Variants in PCF11 observed in about 807,000 individuals in gnomAD.
The protein encoded by PCF11 is PCF11 cleavage and polyadenylation factor subunit.
A neutral mutation model predicts 166.1 loss-of-function variants in PCF11; 19 were observed. That is an observed-to-expected ratio of 0.11 (90% CI 0.08 to 0.17). The LOEUF is 0.17. Among genes scored for constraint, PCF11 ranks in the 10% least tolerant of loss-of-function variants. PCF11 has a pLI of 1.00. For synonymous variants in PCF11, 663 were observed against 644.1 expected (o/e 1.03, Z -0.44); for missense variants, 1,565 against 1,855.5 (o/e 0.84, Z 2.88).
At chr11:83,165,010 T>C (rs1294536879) in intron 4 of PCF11, among the ~76,000 whole-genome samples, 2 of 152,214 alleles carry the variant, frequency 1.3e-5, no homozygotes, top group East Asian at 3.8e-4. Flanking sequence ...GTAGGCATGT[T>C]GTGGCAAATA....
At position 83,168,833 on chromosome 11, in the gene PCF11, G is replaced by A. The variant is rs1180058853; in HGVS notation, c.2498G>A (p.Arg833Gln). 6.8e-6 allele frequency: 11 copies of A among 1,613,620 alleles called. 1 individual carries two copies. Among genetic ancestry groups the A allele is most frequent in the African/African-American group, 1.3e-5 (1 of 74,822 alleles). ...CCAGGACCAGTGGGGACACCTCTGC[G>A]GTTTGAGGGCCCAATTGGTCAAGCA... The change falls in exon 8 of 16, where the codon CGG becomes CAG. Residue 833 changes from arginine (R) to glutamine (Q), a missense_variant. Arg to Gln is a conservative substitution (Grantham distance 43). This residue lies in a region of PCF11 where 725 missense variants were observed against 749.3 expected (regional missense o/e 0.97). Transcript: ENST00000298281.
chr11:83,186,182 A>G (rs1861285226), exon 16 of PCF11: 12 of 152,206 alleles, frequency 7.9e-5, no homozygotes, highest in Admixed American at 7.9e-4. Context: ...GATTGTTAGG[A>G]TAGAAATAAG....
chr11:83,187,450 G>A (rs756035383), exon 16 of PCF11: 2 of 151,804 alleles, frequency 1.3e-5, no homozygotes, highest in East Asian at 1.9e-4. Flanking sequence ...GAGTATGGGT[G>A]CCAACACCTG....
chr11:83,175,207 C>G (rs1860834461), intron 9 of PCF11, among the ~76,000 whole-genome samples: 1 of 152,114 alleles, frequency 6.6e-6, no homozygotes, highest in African/African-American at 2.4e-5. Flanking sequence ...GTGATCTTGG[C>G]TCACTGCAAC....
intron 9 of PCF11, among the ~76,000 whole-genome samples, chr11:83,172,983 G>C (rs1860738655): frequency 6.6e-6 from 1 of 152,086 alleles, no homozygotes; most frequent in Non-Finnish European, 1.5e-5. Context: ...TTTCTACATG[G>C]ACAATTATGA....
intron 1 of PCF11, among the ~76,000 whole-genome samples, chr11:83,160,037 T>C (rs994094554): frequency 2.6e-5 from 4 of 152,196 alleles, no homozygotes; most frequent in Non-Finnish European, 5.9e-5. Context: ...CTTAATATAG[T>C]TGACCCACAT....
chr11:83,174,058 T>C (rs1860791510), intron 9 of PCF11, among the ~76,000 whole-genome samples: 1 of 152,170 alleles, frequency 6.6e-6, no homozygotes, highest in South Asian at 2.1e-4. Context: ...TTGGGTTATA[T>C]GTGTATGTGT....
At chr11:83,176,858 A>T (rs2135439776) in intron 9 of PCF11, among the ~76,000 whole-genome samples, 1 of 152,272 alleles carries the variant, frequency 6.6e-6, no homozygotes, top group East Asian at 1.9e-4. Flanking sequence ...AAAAAAAAGA[A>T]GGAAAAAAGA....
intron 1 of PCF11, among the ~76,000 whole-genome samples, chr11:83,160,320 A>AG (rs1323626453): frequency 2.7e-5 from 2 of 73,690 alleles, no homozygotes; most frequent in Non-Finnish European, 5.5e-5. Flanking sequence ...GGATAACCTA[A>AG]GTTTTTTTTT....
Position 83,159,613 on chromosome 11 carries a change from G to A in PCF11, c.193-1714G>A, listed in dbSNP as rs1190967162. Among the ~76,000 whole-genome samples the A allele has an allele frequency of 2.0e-5, 3 of 152,176 alleles. 1 individual carries two copies. Among genetic ancestry groups the A allele is most frequent in the Middle Eastern group, 3.2e-3 (1 of 316 alleles). On this transcript the variant is annotated intron_variant, in intron 1 of 15. Transcript: ENST00000298281. ...GACAGCTGAAATTTTGGGGGCACAC[G>A]TTTCCTGGTTATTTTTGTAAAGCCA...
At chr11:83,158,269 C>G (rs1860073912) in intron 1 of PCF11, 1 of 134,994 alleles carries the variant, frequency 7.4e-6, no homozygotes, top group African/African-American at 2.7e-5. Flanking sequence ...CTAGATAAAA[C>G]TTTTATTCTC....
Position 83,183,037 on chromosome 11 carries a change from G to T in PCF11, c.4417-1G>T. 7.0e-7 allele frequency: 1 copy of T among 1,435,988 alleles called. No individual in the cohort carries two copies. The highest frequency in any genetic ancestry group is 1.9e-5 in the Admixed American group (1 of 51,640). 89.0% of individuals were successfully genotyped at this position (1,435,988 alleles called of 1,614,324 possible). A position where few individuals can be genotyped will look rare whatever the true frequency, so the allele number is the denominator to read the frequency against. ...ATTTACTTTTTTTCTTTTTGCTTCAGATTTATCATCCATCATGTTATGAAG... is the reference window on the plus strand; with the variant it reads ...ATTTACTTTTTTTCTTTTTGCTTCATATTTATCATCCATCATGTTATGAAG... On this transcript the variant is annotated splice_acceptor_variant, in intron 14 of 15. Coordinates refer to ENST00000298281, the Ensembl canonical transcript of PCF11. LOFTEE classifies it high-confidence loss of function.
At chr11:83,161,188 T>C in intron 1 of PCF11, 139 bp from the exon 2 acceptor site, 1 of 639,804 alleles carries the variant, frequency 1.6e-6, no homozygotes. Flanking sequence ...ATTGAACACT[T>C]AAGTTTCATA....
intron 9 of PCF11, 100 bp downstream of exon 9, chr11:83,172,014 T>C (rs1860707627): frequency 7.4e-6 from 5 of 673,352 alleles, no homozygotes; most frequent in East Asian, 5.2e-5. Context: ...TTTGCAAAGG[T>C]ATATTTAATT....
At chr11:83,164,505 G>T (rs992025571) in intron 4 of PCF11, 104 bp downstream of exon 4, 2 of 777,808 alleles carry the variant, frequency 2.6e-6, no homozygotes, top group African/African-American at 3.6e-5. Context: ...TATTAATAGT[G>T]TACTCTTTTT....
intron 9 of PCF11, among the ~76,000 whole-genome samples, chr11:83,175,154 A>T (rs745369752): frequency 1.3e-5 from 2 of 151,772 alleles, no homozygotes; most frequent in South Asian, 2.1e-4. Context: ...TTTTTTTGAG[A>T]TAGGGTCTTC....
chr11:83,172,525 C>T (rs1004503761), intron 9 of PCF11, among the ~76,000 whole-genome samples: 5 of 152,078 alleles, frequency 3.3e-5, no homozygotes, highest in East Asian at 1.9e-4. Context: ...GGGGTTCAAG[C>T]GATTCTCCTG....
In PCF11 at chr11:83,166,506, C is replaced by T. The variant is rs368946160; in HGVS notation, c.1609C>T (p.Pro537Ser). 5 of 1,613,680 alleles carry T rather than the reference C, an allele frequency of 3.1e-6. No individual in the cohort carries two copies. Among genetic ancestry groups the T allele is most frequent in the Non-Finnish European group, 4.2e-6 (5 of 1,179,820 alleles). ...GTCACATATGGAAGAGTTTACACCACCTTCTAGGGAAGACAGAAATGCTAA... is the reference window on the plus strand; with the variant it reads ...GTCACATATGGAAGAGTTTACACCATCTTCTAGGGAAGACAGAAATGCTAA... The change falls in exon 5 of 16, where the codon CCT becomes TCT. Residue 537 changes from proline to serine, a missense_variant. Physicochemically the swap from Pro to Ser is moderately conservative, Grantham distance 74. Transcript: ENST00000298281.
At position 83,168,867 on chromosome 11, in the gene PCF11, T is replaced by G; in HGVS notation, c.2532T>G (p.Gly844=). 2.5e-6 allele frequency: 4 copies of G among 1,611,982 alleles called. No homozygotes were observed. The South Asian group carries it at 4.4e-5, about 18-fold the overall frequency. The stretch of plus-strand genomic sequence containing the variant: ...GCCCAATTGGTCAAGCAGGAGGAGG[T>G]GGTTTTCGGTTTGAAGGTTCCCCTG... The change falls in exon 8 of 16, where the codon GGT becomes GGG. Residue 844 remains glycine (G), a synonymous_variant. Coordinates refer to ENST00000298281, the Ensembl canonical transcript of PCF11.
Sources: gnomAD v4.1 joint callset for allele counts (sites outside exome capture counted in the v4.1 genomes callset) on GRCh38, gnomAD v4.1.1 for gene constraint, gnomAD v4.1.1 regional missense constraint, MANE v1.5 for transcripts, NCBI Gene and HGNC (gene_info 2026-07-23, HGNC 2026-07-21) for gene names.